Variants in SUGCT observed in about 807,000 individuals in gnomAD.
The protein encoded by SUGCT is succinyl-CoA:glutarate CoA-transferase.
SUGCT carries 41 observed loss-of-function variants against 55.0 expected under a neutral mutation model. That is an observed-to-expected ratio of 0.74 (90% CI 0.58 to 0.97). The LOEUF is 0.97. Ranked by LOEUF, SUGCT falls within the 50% of genes least tolerant of loss-of-function variation. The pLI is 0.00. For missense variants in SUGCT, 568 were observed against 547.8 expected (o/e 1.04, Z -0.37); for synonymous variants, 187 against 200.4 (o/e 0.93, Z 0.56).
rs551708632 is a variant in SUGCT, at chr7:40,266,879, G to A, written c.577-7634G>A. On this transcript the variant is annotated intron_variant, in intron 7 of 13. Coordinates refer to ENST00000335693, the MANE Select transcript of SUGCT (RefSeq NM_001193313.2). The stretch of plus-strand genomic sequence containing the variant: ...AAAATAAAAAAATTAGCCGGGCATG[G>A]TGACATGCATTTGTAGTCCCAAGCT... Among the ~76,000 whole-genome samples the A allele has an allele frequency of 7.9e-5, 12 of 152,148 alleles. No homozygotes were observed. In the South Asian group the frequency reaches 2.3e-3, roughly 29 times the overall value.
intron 9 of SUGCT, among the ~76,000 whole-genome samples, chr7:40,421,576 T>C (rs1352807646): frequency 1.3e-5 from 2 of 152,182 alleles, no homozygotes; most frequent in African/African-American, 4.8e-5. Context: ...CTACTTTGTG[T>C]CAGACTCTGG....
rs1301425794 is a variant in SUGCT, at chr7:40,245,374, T to TA, written c.576+7649dup. Among the ~76,000 whole-genome samples the TA allele has an allele frequency of 2.9e-5, 4 of 137,152 alleles. No individual in the cohort carries two copies. The Admixed American group carries it at 3.1e-4, about 10-fold the overall frequency. 90.0% of individuals were successfully genotyped at this position (137,152 alleles called of 152,430 possible). On this transcript the variant is annotated intron_variant, in intron 7 of 13. Transcript: ENST00000335693. ...GCACCTGGCCATGAACTTTTTTTTT[T>TA]ATTTTAAATTTTTATAGGTACGTAG...
At chr7:40,597,263 C>T (rs1798060938) in intron 12 of SUGCT, among the ~76,000 whole-genome samples, 1 of 152,100 alleles carries the variant, frequency 6.6e-6, no homozygotes, top group South Asian at 2.1e-4. Context: ...ATTGTTCTAG[C>T]CTAACTTCCT....
chr7:40,815,876 T>C (rs1297022537), intron 13 of SUGCT, among the ~76,000 whole-genome samples: 1 of 152,182 alleles, frequency 6.6e-6, no homozygotes, highest in Non-Finnish European at 1.5e-5. Context: ...TACCACAGTC[T>C]ATGCCCAGGA....
At chr7:40,266,757 C>T (rs554286098) in intron 7 of SUGCT, among the ~76,000 whole-genome samples, 1 of 152,108 alleles carries the variant, frequency 6.6e-6, no homozygotes, top group African/African-American at 2.4e-5. Context: ...TGGCTCACGC[C>T]TATAATCCGA....
At chr7:40,695,418 G>C (rs889807887) in intron 12 of SUGCT, among the ~76,000 whole-genome samples, 1 of 151,772 alleles carries the variant, frequency 6.6e-6, no homozygotes, top group Non-Finnish European at 1.5e-5. Context: ...GGCTGGTCTC[G>C]AGCTCATGGG....
chr7:40,451,076 A>G (rs1031652015), intron 10 of SUGCT, among the ~76,000 whole-genome samples: 1 of 152,102 alleles, frequency 6.6e-6, no homozygotes, highest in African/African-American at 2.4e-5. Flanking sequence ...TTTATTATGA[A>G]CGGTCAATGT....
chr7:40,169,002 C>T (rs1246840320), intron 1 of SUGCT, among the ~76,000 whole-genome samples: 1 of 152,134 alleles, frequency 6.6e-6, no homozygotes, highest in Non-Finnish European at 1.5e-5. Context: ...GGTTTCTGTA[C>T]AGCCAATAAT....
intron 6 of SUGCT, among the ~76,000 whole-genome samples, chr7:40,212,220 A>G (rs1584355636): frequency 6.6e-6 from 1 of 151,708 alleles, no homozygotes; most frequent in African/African-American, 2.4e-5. Flanking sequence ...AAGTTTGTCA[A>G]TTCTAAAGAG....
At chr7:40,875,603 C>T in the SUGCT span, among the ~76,000 whole-genome samples, 11 of 152,230 alleles carry the variant, frequency 7.2e-5, no homozygotes, top group Admixed American at 7.2e-4. Context: ...TTTGTCATTT[C>T]AAGACCTTTG....
intron 13 of SUGCT, among the ~76,000 whole-genome samples, chr7:40,831,028 T>C (rs968471825): frequency 2.6e-5 from 4 of 152,170 alleles, no homozygotes; most frequent in African/African-American, 9.7e-5. Flanking sequence ...CGTCTCAATT[T>C]TGGAGATGAG....
At chr7:40,467,898 A>G (rs548963050) in intron 11 of SUGCT, among the ~76,000 whole-genome samples, 4 of 152,030 alleles carry the variant, frequency 2.6e-5, no homozygotes, top group Admixed American at 2.6e-4. Context: ...AAAATAGCTC[A>G]TAGGACTTAG....
chr7:40,143,351 T>C (rs948249590), intron 1 of SUGCT, among the ~76,000 whole-genome samples: 1 of 152,158 alleles, frequency 6.6e-6, no homozygotes, highest in Non-Finnish European at 1.5e-5. Flanking sequence ...TGAGGTAAAA[T>C]TGATTTTGGA....
intron 12 of SUGCT, among the ~76,000 whole-genome samples, chr7:40,552,168 A>G (rs1446701992): frequency 6.6e-6 from 1 of 152,176 alleles, no homozygotes; most frequent in Non-Finnish European, 1.5e-5. Flanking sequence ...ATACATTGAA[A>G]GGGACAGGCG....
At chr7:40,726,605 A>T (rs932147094) in intron 12 of SUGCT, among the ~76,000 whole-genome samples, 3 of 152,228 alleles carry the variant, frequency 2.0e-5, no homozygotes, top group African/African-American at 7.2e-5. Context: ...TTAGGTGTTT[A>T]TAAAGGCCAA....
At chr7:40,250,576 C>T (rs892853028) in intron 7 of SUGCT, among the ~76,000 whole-genome samples, 1 of 151,944 alleles carries the variant, frequency 6.6e-6, no homozygotes, top group Non-Finnish European at 1.5e-5. Flanking sequence ...TATACGTTGG[C>T]ATATTCATAG....
At chr7:40,294,033 C>T (rs767044961) in intron 8 of SUGCT, among the ~76,000 whole-genome samples, 3 of 152,014 alleles carry the variant, frequency 2.0e-5, no homozygotes, top group Non-Finnish European at 2.9e-5. Flanking sequence ...CTGCAACCTC[C>T]GCCTCCCAGA....
intron 9 of SUGCT, among the ~76,000 whole-genome samples, chr7:40,447,255 T>A (rs1788888581): frequency 6.6e-6 from 1 of 152,122 alleles, no homozygotes; most frequent in Non-Finnish European, 1.5e-5. Flanking sequence ...AATTTAATGA[T>A]CACATGCGGC....
intron 13 of SUGCT, among the ~76,000 whole-genome samples, chr7:40,798,364 A>G (rs1382491934): frequency 1.3e-5 from 2 of 152,154 alleles, no homozygotes; most frequent in South Asian, 2.1e-4. Context: ...TGTTGGTTCT[A>G]TGGTGCACTC....
Sources: gnomAD v4.1 joint callset for allele counts (sites outside exome capture counted in the v4.1 genomes callset) on GRCh38, gnomAD v4.1.1 for gene constraint, MANE v1.5 for transcripts, NCBI Gene and HGNC (gene_info 2026-07-23, HGNC 2026-07-21) for gene names.